Variants in RMDN2 observed in about 807,000 individuals in gnomAD.
RMDN2 encodes regulator of microtubule dynamics 2, also known as regulator of microtubule dynamics protein 2.
RMDN2 carries 61 observed loss-of-function variants against 52.8 expected under a neutral mutation model. The ratio of observed to expected loss-of-function variants is 1.16; its 90% confidence interval spans 0.94 to 1.43. The LOEUF (loss-of-function observed/expected upper bound fraction) is 1.43, where lower values mean the gene tolerates loss of function less well. Among genes scored for constraint, RMDN2 ranks in the 40% most tolerant of loss-of-function variants. The pLI is 0.00. For synonymous variants in RMDN2, 180 were observed against 153.1 expected (o/e 1.18, Z -1.30); for missense variants, 592 against 475.3 (o/e 1.25, Z -2.28).
intron 2 of RMDN2, among the ~76,000 whole-genome samples, chr2:37,966,925 A>G (rs1487006770): frequency 6.6e-6 from 1 of 152,224 alleles, no homozygotes; most frequent in African/African-American, 2.4e-5. Flanking sequence ...TCAGAGCAAC[A>G]TGCATTTTAC....
chr2:38,037,326 A>G (rs1680650970), intron 10 of RMDN2, among the ~76,000 whole-genome samples: 1 of 152,236 alleles, frequency 6.6e-6, no homozygotes, highest in South Asian at 2.1e-4. Context: ...AATTCTCCCC[A>G]GACTTTTCCA....
At chr2:38,014,865 A>C (rs1485815648) in intron 10 of RMDN2, among the ~76,000 whole-genome samples, 1 of 152,242 alleles carries the variant, frequency 6.6e-6, no homozygotes, top group East Asian at 1.9e-4. Flanking sequence ...GCAGGCACTG[A>C]AAAAGTCATA....
chr2:37,929,264 A>G lies in RMDN2; in HGVS notation c.-14A>G, dbSNP rs551609114. 3.4e-6 allele frequency: 5 copies of G among 1,483,862 alleles called. No individual in the cohort carries two copies. Among genetic ancestry groups the G allele is most frequent in the Non-Finnish European group, 4.5e-6 (5 of 1,111,058 alleles). The allele number at this position is 1,483,862 out of a possible 1,614,324, so 91.9% of individuals were successfully genotyped here. Reference sequence around the variant, plus strand: ...TACATTTATGTTTTTAATTTTAGAAACGAAAACCAAGAAATGCCTTATTCC... The same window carrying G: ...TACATTTATGTTTTTAATTTTAGAAGCGAAAACCAAGAAATGCCTTATTCC... On this transcript the variant is annotated splice_region_variant and 5_prime_UTR_variant, in exon 2 of 11. Coordinates refer to ENST00000354545, the MANE Select transcript of RMDN2 (RefSeq NM_001170791.3).
intron 2 of RMDN2, among the ~76,000 whole-genome samples, chr2:37,960,162 T>G (rs1054648317): frequency 2.0e-5 from 3 of 152,196 alleles, no homozygotes; most frequent in Middle Eastern, 3.2e-3. Context: ...TTAGGTCCTC[T>G]TGATCCAGAG....
chr2:37,977,925 C>G (rs1046349567), intron 4 of RMDN2, among the ~76,000 whole-genome samples: 2 of 152,042 alleles, frequency 1.3e-5, no homozygotes, highest in South Asian at 4.1e-4. Flanking sequence ...GGGTGGCGGC[C>G]GGGCAGAGGC....
chr2:38,002,225 A>G (rs992809156), intron 8 of RMDN2, among the ~76,000 whole-genome samples: 4 of 152,196 alleles, frequency 2.6e-5, no homozygotes, highest in African/African-American at 7.2e-5. Flanking sequence ...TTAAAAATAT[A>G]TATATTATTT....
chr2:38,003,579 G>GATAGATAGATAGATAGATAT (rs1573033581), intron 8 of RMDN2, among the ~76,000 whole-genome samples: 1 of 151,574 alleles, frequency 6.6e-6, no homozygotes, highest in East Asian at 1.9e-4. Context: ...TAGATAGATA[G>GATAGATAGATAGATAGATAT]ATAGATAGAT....
intron 2 of RMDN2, among the ~76,000 whole-genome samples, chr2:37,960,151 A>T (rs183160377): frequency 1.3e-5 from 2 of 152,160 alleles, no homozygotes; most frequent in African/African-American, 2.4e-5. Context: ...GTAGATGTCT[A>T]TTAGGTCCTC....
intron 10 of RMDN2, among the ~76,000 whole-genome samples, chr2:38,010,584 A>T (rs1205101541): frequency 2.0e-5 from 3 of 152,108 alleles, no homozygotes; most frequent in African/African-American, 7.2e-5. Context: ...GGTGGGAGTG[A>T]CCCGATCTTC....
At chr2:37,989,733 T>G (rs1248618781) in intron 6 of RMDN2, 117 bp downstream of exon 6, 2 of 613,334 alleles carry the variant, frequency 3.3e-6, no homozygotes, top group African/African-American at 1.9e-5. Context: ...ATAAACCAGA[T>G]TATTCAACAG....
chr2:38,018,478 G>A (rs1440721524), downstream of RMDN2, among the ~76,000 whole-genome samples: 1 of 152,184 alleles, frequency 6.6e-6, no homozygotes, highest in Non-Finnish European at 1.5e-5. Flanking sequence ...ATAGCATTAT[G>A]TCCAACAGTA....
At chr2:38,030,903 T>G (rs1680150079) in intron 10 of RMDN2, 1 of 152,200 alleles carries the variant, frequency 6.6e-6, no homozygotes, top group Admixed American at 6.5e-5. Flanking sequence ...CTTAGGGAAT[T>G]CTTGATTGTT....
Position 37,951,604 on chromosome 2 carries a change from G to C in RMDN2, c.452+21875G>C, listed in dbSNP as rs756392960. ...TCCCGCAGAAGACGTTTCTCATCCC[G>C]TAAACTAAGTATAGTTTCCTATTAC... On this transcript the variant is annotated intron_variant, in intron 2 of 10. Transcript: ENST00000354545. 8.7e-5 allele frequency: 141 copies of C among 1,613,242 alleles called. 1 individual carries two copies. The East Asian group carries it at 2.6e-3, about 30-fold the overall frequency.
chr2:38,050,559 G>A (rs904329549), intron 10 of RMDN2, among the ~76,000 whole-genome samples: 3 of 152,126 alleles, frequency 2.0e-5, no homozygotes, highest in African/African-American at 4.8e-5. Flanking sequence ...GTTTTAGTTG[G>A]TCAGAAAAGC....
intron 2 of RMDN2, among the ~76,000 whole-genome samples, chr2:37,942,228 G>A (rs1667856032): frequency 6.6e-6 from 1 of 152,182 alleles, no homozygotes; most frequent in Non-Finnish European, 1.5e-5. Context: ...TCCATAGGCT[G>A]CACCCACTGT....
At chr2:37,989,405 G>T in intron 5 of RMDN2, 136 bp from the exon 6 acceptor site, 1 of 622,396 alleles carries the variant, frequency 1.6e-6, no homozygotes, top group South Asian at 2.1e-5. Context: ...TATTGTTAGG[G>T]CCCTTATATT....
chr2:38,064,518 T>G (rs1385737200), intron 10 of RMDN2, among the ~76,000 whole-genome samples: 1 of 151,674 alleles, frequency 6.6e-6, no homozygotes, highest in Non-Finnish European at 1.5e-5. Flanking sequence ...AGAAACAGGT[T>G]AGACTTCAAG....
intron 2 of RMDN2, among the ~76,000 whole-genome samples, chr2:37,961,980 G>A (rs986730043): frequency 6.6e-6 from 1 of 152,222 alleles, no homozygotes; most frequent in Admixed American, 6.5e-5. Context: ...TTTGCTGGGA[G>A]TCCACTCCAA....
At chr2:37,958,642 C>T (rs1207946005) in intron 2 of RMDN2, among the ~76,000 whole-genome samples, 1 of 150,728 alleles carries the variant, frequency 6.6e-6, no homozygotes, top group African/African-American at 2.5e-5. Flanking sequence ...TTTATCTTGC[C>T]TGGTTGCCCT....
Sources: gnomAD v4.1 joint callset for allele counts (sites outside exome capture counted in the v4.1 genomes callset) on GRCh38, gnomAD v4.1.1 for gene constraint, MANE v1.5 for transcripts, NCBI Gene and HGNC (gene_info 2026-07-23, HGNC 2026-07-21) for gene names.